SCAPER: variants seen among roughly 807,000 people sequenced by gnomAD.
SCAPER encodes S phase cyclin A-associated protein in the endoplasmic reticulum.
In SCAPER, 98 loss-of-function variants were observed where a neutral mutation model predicts 182.2. The ratio of observed to expected loss-of-function variants is 0.54; its 90% CI spans 0.46 to 0.64. SCAPER has a LOEUF of 0.64. SCAPER is among the 30% of genes least tolerant of loss of function. SCAPER has a pLI of 0.00. For synonymous variants in SCAPER, 605 were observed against 564.6 expected (o/e 1.07, Z -1.01); for missense variants, 1,432 against 1,690.0 (o/e 0.85, Z 2.68).
chr15:76,717,845 A>G (rs2059971891), intron 17 of SCAPER, among the ~76,000 whole-genome samples: 1 of 152,168 alleles, frequency 6.6e-6, no homozygotes, highest in Non-Finnish European at 1.5e-5. Flanking sequence ...ATATAATAAT[A>G]TAAGGGACTT....
intron 2 of SCAPER, among the ~76,000 whole-genome samples, chr15:76,878,780 AG>A (rs2073349965): frequency 6.6e-6 from 1 of 152,104 alleles, no homozygotes; most frequent in Admixed American, 6.6e-5. Context: ...AAAGAAAAAA[AG>A]AAGAGGAAGA....
intron 24 of SCAPER, among the ~76,000 whole-genome samples, chr15:76,479,416 C>T (rs1052322145): frequency 6.6e-6 from 1 of 152,116 alleles, no homozygotes; most frequent in African/African-American, 2.4e-5. Flanking sequence ...ACATTAAAAA[C>T]TTATTGTCCA....
intron 29 of SCAPER, among the ~76,000 whole-genome samples, chr15:76,359,023 T>C (rs2041205929): frequency 6.6e-6 from 1 of 152,206 alleles, no homozygotes. Context: ...GGGTAGATGG[T>C]AGCCTTCAGG....
chr15:76,634,436 C>T (rs984688543), intron 21 of SCAPER, among the ~76,000 whole-genome samples: 1 of 152,092 alleles, frequency 6.6e-6, no homozygotes, highest in South Asian at 2.1e-4. Flanking sequence ...TTGGCTGCCC[C>T]CTTCTATATA....
rs143013414 is a variant in SCAPER, at chr15:76,544,594, TA to T, written c.2838+29563del. On this transcript the variant is annotated intron_variant, in intron 23 of 31. Transcript: ENST00000563290. The stretch of plus-strand genomic sequence containing the variant: ...CACATATCGAATAATTTTATTCATA[TA>T]AAATGTCCAGAATAGACAAATCTAT... Among the ~76,000 whole-genome samples the T allele has an allele frequency of 2.2e-3, 338 of 152,244 alleles. 1 individual carries two copies. The highest frequency in any genetic ancestry group is 7.8e-3 in the African/African-American group (324 of 41,558).
intron 20 of SCAPER, among the ~76,000 whole-genome samples, chr15:76,678,712 TAA>T: frequency 2.1e-5 from 1 of 48,298 alleles, no homozygotes; most frequent in African/African-American, 4.3e-5. Flanking sequence ...GAGAAACAGA[TAA>T]AAGAGGGAAA....
At chr15:76,670,074 TTAA>T (rs2056902795) in intron 20 of SCAPER, among the ~76,000 whole-genome samples, 1 of 152,166 alleles carries the variant, frequency 6.6e-6, no homozygotes, top group Non-Finnish European at 1.5e-5. Flanking sequence ...GGCATTCATA[TTAA>T]TGTTAATGTT....
At chr15:76,793,243 G>A in intron 8 of SCAPER, 1 of 1,108,462 alleles carries the variant, frequency 9.0e-7, no homozygotes. Context: ...CTGTGATATT[G>A]CAAAATATAT....
chr15:76,511,308 T>G (rs1424458852), intron 23 of SCAPER, among the ~76,000 whole-genome samples: 1 of 152,142 alleles, frequency 6.6e-6, no homozygotes, highest in Non-Finnish European at 1.5e-5. Context: ...AGACATAAAA[T>G]TACTCTGTCA....
At chr15:76,861,351 A>G (rs1210954853) in intron 3 of SCAPER, among the ~76,000 whole-genome samples, 1 of 152,238 alleles carries the variant, frequency 6.6e-6, no homozygotes, top group Non-Finnish European at 1.5e-5. Context: ...AATTAACGAG[A>G]CAGTTATCAC....
rs1048388150 is a variant in SCAPER at position 76,825,933 on chromosome 15, C to T, written c.393+15801G>A. 4.6e-5 allele frequency among the ~76,000 whole-genome samples: 7 copies of T among 152,042 alleles called. No individual in the cohort carries two copies. The South Asian group carries it at 1.2e-3, about 27-fold the overall frequency. On this transcript the variant is annotated intron_variant, in intron 5 of 31. Coordinates refer to ENST00000563290, the MANE Select transcript of SCAPER (RefSeq NM_020843.4). Reference sequence around the variant, plus strand: ...CTAATTTTTGTATTTTTAGTAGAAACGGGGTTTCACCATATTGGTCAGGCT... The same window carrying T: ...CTAATTTTTGTATTTTTAGTAGAAATGGGGTTTCACCATATTGGTCAGGCT...
chr15:76,793,457 G>C (rs1252173083), intron 8 of SCAPER: 3 of 532,712 alleles, frequency 5.6e-6, no homozygotes, highest in Non-Finnish European at 1.0e-5. Flanking sequence ...CCTTCAGGGA[G>C]GGAGAAAGGA....
At chr15:76,549,084 CA>C (rs1346168572) in intron 23 of SCAPER, among the ~76,000 whole-genome samples, 7 of 152,144 alleles carry the variant, frequency 4.6e-5, no homozygotes, top group Admixed American at 1.3e-4. Context: ...ACAAAGAACT[CA>C]AACAAATTTA....
At chr15:76,591,892 T>G (rs565053042) in intron 22 of SCAPER, among the ~76,000 whole-genome samples, 47 of 152,144 alleles carry the variant, frequency 3.1e-4, no homozygotes, top group Admixed American at 9.8e-4. Context: ...AAACCCCATA[T>G]CTACAAAAAA....
chr15:76,527,809 T>C (rs2043318852), intron 23 of SCAPER, among the ~76,000 whole-genome samples: 1 of 152,348 alleles, frequency 6.6e-6, no homozygotes, highest in African/African-American at 2.4e-5. Flanking sequence ...TGACAGCCTA[T>C]GTCCTCTTCT....
At chr15:76,601,101 T>C (rs1056828154) in intron 22 of SCAPER, among the ~76,000 whole-genome samples, 1 of 122,292 alleles carries the variant, frequency 8.2e-6, no homozygotes, top group Non-Finnish European at 2.0e-5. Context: ...AATTATGCTT[T>C]TTATTTAAAA....
At chr15:76,788,476 G>A (rs1484720872) in intron 8 of SCAPER, among the ~76,000 whole-genome samples, 4 of 152,012 alleles carry the variant, frequency 2.6e-5, no homozygotes, top group Admixed American at 1.3e-4. Flanking sequence ...AGAACAGTGT[G>A]TCATACCATC....
chr15:76,891,801 T>C (rs954472884), intron 1 of SCAPER, among the ~76,000 whole-genome samples: 10 of 152,072 alleles, frequency 6.6e-5, no homozygotes, highest in African/African-American at 2.2e-4. Context: ...CTTCACAGAA[T>C]TGGAAATTCT....
intron 21 of SCAPER, among the ~76,000 whole-genome samples, chr15:76,647,276 A>C (rs2146469385): frequency 6.6e-6 from 1 of 152,338 alleles, no homozygotes; most frequent in East Asian, 1.9e-4. Flanking sequence ...AGTGGAGGTT[A>C]TTATTTTATT....
Sources: allele counts gnomAD v4.1 joint callset (sites outside exome capture counted in the v4.1 genomes callset), GRCh38; gene constraint gnomAD v4.1.1; transcripts MANE v1.5; gene names NCBI Gene and HGNC (gene_info 2026-07-23, HGNC 2026-07-21).